INSRR: variants seen among roughly 807,000 people sequenced by gnomAD.
The protein encoded by INSRR is insulin receptor-related protein.
A neutral mutation model predicts 130.0 loss-of-function variants in INSRR; 114 were observed. The observed-to-expected ratio is 0.88, with a 90% CI of 0.75 to 1.02. INSRR has a LOEUF of 1.02. Among genes scored for constraint, INSRR ranks in the 50% least tolerant of loss-of-function variants. The probability of loss-of-function intolerance (pLI) is 0.00; values close to 1 mark genes in which losing one functional copy is unlikely to be tolerated. For missense variants in INSRR, 1,657 were observed against 1,735.2 expected (o/e 0.95, Z 0.80); for synonymous variants, 674 against 705.2 (o/e 0.96, Z 0.70).
intron 4 of INSRR, 29 bp from the exon 5 acceptor site, chr1:156,851,463 G>A: frequency 6.2e-7 from 1 of 1,613,710 alleles, no homozygotes; most frequent in Non-Finnish European, 8.5e-7. Context: ...GGCTGGAGTA[G>A]GAGCAAGGAA....
At chr1:156,858,164 T>C (rs1655476637) in intron 1 of INSRR, among the ~76,000 whole-genome samples, 1 of 152,184 alleles carries the variant, frequency 6.6e-6, no homozygotes, top group African/African-American at 2.4e-5. Flanking sequence ...TAATGGTGCC[T>C]GGTTCTCAGC....
chr1:156,854,187 A>C lies in INSRR; in HGVS notation c.202T>G (p.Phe68Val). 1 of 1,614,108 alleles carries C rather than the reference A, an allele frequency of 6.2e-7. No individual in the cohort carries two copies. Among genetic ancestry groups the C allele is most frequent in the Non-Finnish European group, 8.5e-7 (1 of 1,180,022 alleles). The change falls in exon 2 of 22, where the codon TTC (phenylalanine) becomes GTC (valine). Residue 68 changes from phenylalanine to valine, a missense_variant. Physicochemically the swap from Phe to Val is conservative, Grantham distance 50. Coordinates refer to ENST00000368195, the MANE Select transcript of INSRR (RefSeq NM_014215.3). The surrounding 1 kb of genome is among the most constrained non-coding windows in gnomAD (Gnocchi z 4.2). ...AGGCGAGGGAAGCTGAGGCCGCGGA[A>C]GTCCTCCCCGGTGGCTGTGAACATG... is the stretch of plus-strand genomic sequence containing the variant. ...LLMFTATGED[F>V]RGLSFPRLTQ...
intron 1 of INSRR, among the ~76,000 whole-genome samples, chr1:156,855,176 T>TTATCTATCTATCTATCTATC (rs142014665): frequency 0.14 from 20,352 of 143,358 alleles, 1,684 homozygotes; most frequent in Admixed American, 0.15. Context: ...CCATCCAATT[T>TTATCTATCTATCTATCTATC]TATCTATCTA....
chr1:156,844,126 G>A, intron 15 of INSRR, 49 bp downstream of exon 15: 1 of 1,363,026 alleles, frequency 7.3e-7, no homozygotes, highest in Non-Finnish European at 1.0e-6. Flanking sequence ...ACTTTATGAT[G>A]AGGGCTCAGG....
Position 156,851,706 on chromosome 1 carries a change from G to A in INSRR, c.1024C>T (p.Gln342Ter), listed in dbSNP as rs1457202885. 2 of 1,614,224 alleles carry A rather than the reference G, an allele frequency of 1.2e-6. No homozygotes were observed. Among genetic ancestry groups the A allele is most frequent in the Admixed American group, 3.3e-5 (2 of 60,034 alleles). Residue 342 changes from glutamine (Q) to a stop codon, truncating the protein, a stop_gained, in exon 4 of 22, where the codon CAG becomes TAG. Coordinates refer to ENST00000368195, the MANE Select transcript of INSRR (RefSeq NM_014215.3). LOFTEE classifies it high-confidence loss of function. ...ACATGCGTGCAGCCCACAAGATCCT[G>A]TGCCGCCTGGATGGAGTCGATGGTC... ...TKTIDSIQAA[Q>*]DLVGCTHVEG...
rs115990278 is a variant in INSRR, at chr1:156,845,125, G to T, written c.2388C>A (p.Thr796=). The T allele has an allele frequency of 5.6e-4, 905 of 1,611,498 alleles. 6 individuals carry two copies. In the African/African-American group the frequency reaches 0.011, roughly 19 times the overall value. The part of the protein sequence containing the change: ...DIHACNHAAH[T]VGCSAATFVF... Reference sequence around the variant, plus strand: ...CGAAGGTGGCGGCGCTGCAGCCCACGGTGTGCGCCGCGTGGTTGCAGGCAT... The same window carrying T: ...CGAAGGTGGCGGCGCTGCAGCCCACTGTGTGCGCCGCGTGGTTGCAGGCAT... The change falls in exon 12 of 22, where the codon ACC becomes ACA. Residue 796 remains threonine (T), a synonymous_variant. Transcript: ENST00000368195.
intron 9 of INSRR, 35 bp from the exon 10 acceptor site, chr1:156,845,849 G>A (rs1434970580): frequency 1.3e-6 from 2 of 1,591,836 alleles, no homozygotes; most frequent in East Asian, 2.3e-5. Flanking sequence ...AGTAAGACAG[G>A]CGGTCTACCC....
At chr1:156,844,037 C>G in intron 15 of INSRR, 138 bp downstream of exon 15, 1 of 649,150 alleles carries the variant, frequency 1.5e-6, no homozygotes. Flanking sequence ...TATGTTTCCT[C>G]TGTGCCACCG....
chr1:156,845,476 G>C, intron 10 of INSRR, 63 bp from the exon 11 acceptor site: 1 of 1,515,050 alleles, frequency 6.6e-7, no homozygotes, highest in Non-Finnish European at 8.8e-7. Flanking sequence ...CCTCTGCAGC[G>C]CGTACCGCCT....
rs1475821492 is a variant in INSRR, at chr1:156,845,684, C to T, written c.2109G>A (p.Glu703=). 1.9e-6 allele frequency: 3 copies of T among 1,612,158 alleles called. No homozygotes were observed. The Admixed American group carries it at 5.1e-5, about 27-fold the overall frequency. ...PPPGQVLPPL[E]AQEASFQKKF... ...TCTTCTGGAACGAGGCCTCTTGCGCCTCCAGCGGGGGCAGAACCTGACCAG... is the reference window on the plus strand; with the variant it reads ...TCTTCTGGAACGAGGCCTCTTGCGCTTCCAGCGGGGGCAGAACCTGACCAG... The change falls in exon 10 of 22, where the codon GAG becomes GAA. Residue 703 remains glutamate, a synonymous_variant. Coordinates refer to ENST00000368195, the MANE Select transcript of INSRR (RefSeq NM_014215.3).
In INSRR at chr1:156,844,554, G is replaced by T. The variant is rs373559732; in HGVS notation, c.2645C>A (p.Pro882His). The change falls in exon 14 of 22, where the codon CCC becomes CAC. Residue 882 changes from proline to histidine, a missense_variant. By Grantham distance (77) the Pro-to-His change is moderately conservative. Coordinates refer to ENST00000368195, the MANE Select transcript of INSRR (RefSeq NM_014215.3). The part of the protein sequence containing the change: ...KFGGVHLALL[P>H]PGNYSARVRA... ...AACCCTGGCAGAGTAGTTTCCAGGG[G>T]GCAGCAGGGCCAGGTGGACTCCCCC... 5 of 1,614,188 alleles carry T rather than the reference G, an allele frequency of 3.1e-6. No homozygotes were observed. In the South Asian group the frequency reaches 5.5e-5, roughly 18 times the overall value.
chr1:156,850,472 C>CA (rs1655163271), intron 5 of INSRR, among the ~76,000 whole-genome samples: 1 of 150,886 alleles, frequency 6.6e-6, no homozygotes. Flanking sequence ...CTTGCCCTCC[C>CA]AAAGTGCAGA....
At chr1:156,845,504 C>G (rs1654963320) in intron 10 of INSRR, 91 bp from the exon 11 acceptor site, 8 of 1,491,744 alleles carry the variant, frequency 5.4e-6, no homozygotes, top group Non-Finnish European at 7.1e-6. Flanking sequence ...CACCCACAAC[C>G]CGGGACCCGC....
Position 156,840,971 on chromosome 1 carries a change from G to C in INSRR, c.3796C>G (p.Arg1266Gly). 1.9e-6 allele frequency: 3 copies of C among 1,613,732 alleles called. No individual in the cohort carries two copies. Among genetic ancestry groups the C allele is most frequent in the Non-Finnish European group, 2.5e-6 (3 of 1,179,876 alleles). Residue 1266 changes from arginine to glycine, a missense_variant, in exon 22 of 22, where the codon CGG becomes GGG. Physicochemically the swap from Arg to Gly is moderately radical, Grantham distance 125 (BLOSUM62 -2). Coordinates refer to ENST00000368195, the MANE Select transcript of INSRR (RefSeq NM_014215.3). Reference protein sequence around the residue: ...LLSFYYSPECRGARGSLPTTD... With the variant: ...LLSFYYSPECGGARGSLPTTD... ...GTAGGCAGGGAGCCCCGGGCCCCCCGGCATTCCGGGCTGTAGTAGAAGGAG... is the reference window on the plus strand; with the variant it reads ...GTAGGCAGGGAGCCCCGGGCCCCCCCGCATTCCGGGCTGTAGTAGAAGGAG...
In INSRR at chr1:156,842,488, T is replaced by C. The variant is rs1396158710; in HGVS notation, c.3147A>G (p.Val1049=). The C allele has an allele frequency of 1.9e-6, 3 of 1,613,990 alleles. No individual in the cohort carries two copies. Among genetic ancestry groups the C allele is most frequent in the Admixed American group, 1.7e-5 (1 of 60,014 alleles). Reference sequence around the variant, plus strand: ...TGACCAGAGTTGGCTGGCCCTGAGATACCACACCCAGGAGACGCACCTGGG... The same window carrying C: ...TGACCAGAGTTGGCTGGCCCTGAGACACCACACCCAGGAGACGCACCTGGG... ...CHHVVRLLGV[V]SQGQPTLVIM... Residue 1049 remains valine (V), a synonymous_variant, in exon 18 of 22, where the codon GTA becomes GTG. Coordinates refer to ENST00000368195, the MANE Select transcript of INSRR (RefSeq NM_014215.3).
At chr1:156,843,386 TC>T in intron 16 of INSRR, 40 bp downstream of exon 16, 1 of 1,605,446 alleles carries the variant, frequency 6.2e-7, no homozygotes. Flanking sequence ...CTCTCCTGTC[TC>T]CCTTTCCCAC....
intron 19 of INSRR, 103 bp downstream of exon 19, chr1:156,842,009 T>C: frequency 6.3e-7 from 1 of 1,581,916 alleles, no homozygotes; most frequent in Non-Finnish European, 8.6e-7. Context: ...TTGCCAAGGG[T>C]CTCACAGGCT....
chr1:156,845,587 A>C, intron 10 of INSRR, 32 bp downstream of exon 10: 1 of 1,498,402 alleles, frequency 6.7e-7, no homozygotes, highest in Admixed American at 2.2e-5. Context: ...CCCACTCATC[A>C]GACCCTCCCA....
At chr1:156,853,224 G>A (rs1655288648) in intron 2 of INSRR, among the ~76,000 whole-genome samples, 1 of 152,054 alleles carries the variant, frequency 6.6e-6, no homozygotes, top group African/African-American at 2.4e-5. Flanking sequence ...ATTGCCAGCT[G>A]ACCCTGGATC....
Sources: gnomAD v4.1 joint callset for allele counts (sites outside exome capture counted in the v4.1 genomes callset) on GRCh38, gnomAD v4.1.1 for gene constraint, Gnocchi (gnomAD v3.1) non-coding constraint, MANE v1.5 for transcripts, NCBI Gene and HGNC (gene_info 2026-07-23, HGNC 2026-07-21) for gene names.